SH3KBP1: variants seen among roughly 807,000 people sequenced by gnomAD.
SH3KBP1 encodes the protein SH3 domain-containing kinase-binding protein 1.
Under a neutral mutation model 50.1 loss-of-function variants are expected in SH3KBP1, and 8 were observed. The ratio of observed to expected loss-of-function variants is 0.16; its 90% CI spans 0.09 to 0.29. The LOEUF (loss-of-function observed/expected upper bound fraction) is 0.29, where lower values mean the gene tolerates loss of function less well. SH3KBP1 is among the 10% of genes least tolerant of loss of function. SH3KBP1 has a pLI of 1.00. For synonymous variants in SH3KBP1, 227 were observed against 218.6 expected (o/e 1.04, Z -0.34); for missense variants, 377 against 535.2 (o/e 0.70, Z 2.92).
intron 1 of SH3KBP1, among the ~76,000 whole-genome samples, chrX:19,864,964 A>G (rs2068868443): frequency 8.9e-6 from 1 of 112,025 alleles, no homozygotes; most frequent in Non-Finnish European, 1.9e-5. Flanking sequence ...AGGACTGAAA[A>G]CACACTGTGG....
intron 8 of SH3KBP1, among the ~76,000 whole-genome samples, chrX:19,612,295 C>T (rs2067453875): frequency 4.5e-5 from 5 of 111,927 alleles, no homozygotes; most frequent in Admixed American, 2.8e-4. Context: ...CAGAGGCTGG[C>T]TCTGTTGCCC....
chrX:19,854,628 C>T (rs1183765610), intron 1 of SH3KBP1, among the ~76,000 whole-genome samples: 2 of 111,513 alleles, frequency 1.8e-5, no homozygotes, highest in Non-Finnish European at 3.8e-5. Flanking sequence ...TCCTGGAACT[C>T]AAAGGCCGCT....
At chrX:19,772,739 T>C (rs2148892714) in intron 2 of SH3KBP1, among the ~76,000 whole-genome samples, 1 of 111,497 alleles carries the variant, frequency 9.0e-6, no homozygotes, top group East Asian at 2.8e-4. Flanking sequence ...GGGTGGTTTG[T>C]CAGGGAAAAG....
chrX:19,708,285 G>A lies in SH3KBP1; in HGVS notation c.287-1301C>T, dbSNP rs1008880275. On this transcript the variant is annotated intron_variant, in intron 3 of 17. Transcript: ENST00000397821. ...CTGTACCTCACTAAGCAAGAACAGAGTTGAATAGAAGGAAGAGGGCAGAAG... is the reference window on the plus strand; with the variant it reads ...CTGTACCTCACTAAGCAAGAACAGAATTGAATAGAAGGAAGAGGGCAGAAG... Among the ~76,000 whole-genome samples the A allele has an allele frequency of 3.5e-5, 4 of 112,710 alleles. No individual in the cohort carries two copies. The East Asian group carries it at 1.1e-3, about 31-fold the overall frequency.
At chrX:19,729,759 C>T (rs2064318879) in intron 3 of SH3KBP1, among the ~76,000 whole-genome samples, 1 of 110,680 alleles carries the variant, frequency 9.0e-6, no homozygotes, top group Non-Finnish European at 1.9e-5. Flanking sequence ...AAGAAAGGAA[C>T]AGAGGAAAGA....
At chrX:19,853,478 G>C (rs1195272221) in intron 1 of SH3KBP1, among the ~76,000 whole-genome samples, 1 of 111,094 alleles carries the variant, frequency 9.0e-6, no homozygotes, top group Non-Finnish European at 1.9e-5. Flanking sequence ...GCATAGGGCT[G>C]GGTACCTAAA....
intron 3 of SH3KBP1, among the ~76,000 whole-genome samples, chrX:19,708,885 C>A (rs1406572234): frequency 8.9e-6 from 1 of 111,770 alleles, no homozygotes; most frequent in East Asian, 2.8e-4. Flanking sequence ...AAGTCAAAGT[C>A]CTGACCAAAG....
intron 6 of SH3KBP1, among the ~76,000 whole-genome samples, chrX:19,678,279 A>G (rs1400847664): frequency 1.8e-5 from 2 of 111,708 alleles, no homozygotes; most frequent in Non-Finnish European, 3.8e-5. Context: ...ATGTTCATGA[A>G]TTAGAAAGGT....
In SH3KBP1 at chrX:19,542,108, G is replaced by A. The variant is rs17851336; in HGVS notation, c.1709C>T (p.Ala570Val). The change falls in exon 16 of 18, where the codon GCG becomes GTG. Residue 570 changes from alanine to valine, a missense_variant. Transcript: ENST00000397821. Reference sequence around the variant, plus strand: ...CAAAGAGGATGACAGGGGGGAGGGCGCCGCTGAGGACAGAGGGGCTGGCCC... The same window carrying A: ...CAAAGAGGATGACAGGGGGGAGGGCACCGCTGAGGACAGAGGGGCTGGCCC... ...GGGPAPLSSA[A>V]PSPLSSSLGT... 21 of 1,210,200 alleles carry A rather than the reference G, an allele frequency of 1.7e-5. 1 individual carries two copies. The East Asian group carries it at 3.3e-4, about 19-fold the overall frequency.
Position 19,542,194 on chromosome X carries a change from C to A in SH3KBP1, c.1624-1G>T. On this transcript the variant is annotated splice_acceptor_variant, in intron 15 of 17. Coordinates refer to ENST00000397821, the MANE Select transcript of SH3KBP1 (RefSeq NM_031892.3). LOFTEE classifies it high-confidence loss of function. ...GCAGGGATGCTTTGTTGTCAGACAC[C>A]TGTGACGAGGGAAGGCAGGGAGGGT... The A allele has an allele frequency of 8.6e-7, 1 of 1,167,937 alleles. No homozygotes were observed. Among genetic ancestry groups the A allele is most frequent in the Admixed American group, 2.5e-5 (1 of 40,426 alleles).
In SH3KBP1 at chrX:19,796,843, G is replaced by A. The variant is rs532802891; in HGVS notation, c.162+39282C>T. Reference sequence around the variant, plus strand: ...GGGCTGGCCAAGACAGAGAAATAGTGCCCTGGGGTCTGAAATGCTCCCAAA... The same window carrying A: ...GGGCTGGCCAAGACAGAGAAATAGTACCCTGGGGTCTGAAATGCTCCCAAA... On this transcript the variant is annotated intron_variant, in intron 2 of 17. Transcript: ENST00000397821. Among the ~76,000 whole-genome samples, 29 of 112,296 alleles carry A rather than the reference G, an allele frequency of 2.6e-4. No homozygotes were observed. The Admixed American group carries it at 2.7e-3, about 11-fold the overall frequency.
At chrX:19,617,352 G>A (rs1415916707) in intron 8 of SH3KBP1, among the ~76,000 whole-genome samples, 1 of 111,940 alleles carries the variant, frequency 8.9e-6, no homozygotes, top group African/African-American at 3.3e-5. Context: ...TATAATAGCC[G>A]CAACCCCAAG....
At chrX:19,626,220 T>C (rs907006879) in intron 8 of SH3KBP1, among the ~76,000 whole-genome samples, 3 of 110,611 alleles carry the variant, frequency 2.7e-5, no homozygotes, top group African/African-American at 9.9e-5. Flanking sequence ...CATATTGAGG[T>C]AGAGATGAAA....
intron 5 of SH3KBP1, chrX:19,687,640 G>A (rs1264726796): frequency 1.3e-5 from 16 of 1,206,038 alleles, no homozygotes; most frequent in South Asian, 5.3e-5. Flanking sequence ...GTGGCCCTCC[G>A]TCTTTCCCGG....
At chrX:19,708,131 G>A (rs755120135) in intron 3 of SH3KBP1, among the ~76,000 whole-genome samples, 1 of 112,757 alleles carries the variant, frequency 8.9e-6, no homozygotes, top group Non-Finnish European at 1.9e-5. Flanking sequence ...TGATCACAGG[G>A]CACATTAAGG....
intron 13 of SH3KBP1, among the ~76,000 whole-genome samples, chrX:19,559,638 A>G (rs1437650652): frequency 9.0e-6 from 1 of 111,171 alleles, no homozygotes; most frequent in Non-Finnish European, 1.9e-5. Flanking sequence ...CAGAACGGAA[A>G]TAATTTTGTT....
At chrX:19,704,749 A>G (rs776652073) in intron 4 of SH3KBP1, among the ~76,000 whole-genome samples, 1 of 112,697 alleles carries the variant, frequency 8.9e-6, no homozygotes, top group Admixed American at 9.4e-5. Flanking sequence ...AATATAACAG[A>G]TCATTACAAT....
intron 12 of SH3KBP1, among the ~76,000 whole-genome samples, chrX:19,569,716 C>T (rs1348311276): frequency 8.9e-6 from 1 of 111,795 alleles, no homozygotes; most frequent in Non-Finnish European, 1.9e-5. Flanking sequence ...GGGCTCAGGC[C>T]TGTAACATTA....
chrX:19,602,995 C>T (rs773254180), intron 9 of SH3KBP1, among the ~76,000 whole-genome samples: 1 of 111,906 alleles, frequency 8.9e-6, no homozygotes, highest in East Asian at 2.8e-4. Flanking sequence ...GGTGGGTTGG[C>T]ACATGATTAT....
Sources: allele counts gnomAD v4.1 joint callset (sites outside exome capture counted in the v4.1 genomes callset), GRCh38; gene constraint gnomAD v4.1.1; transcripts MANE v1.5; gene names NCBI Gene and HGNC (gene_info 2026-07-23, HGNC 2026-07-21).